Variants in MSI2 observed in about 807,000 individuals in gnomAD.
MSI2 encodes the protein RNA-binding protein Musashi homolog 2.
In MSI2, 17 loss-of-function variants were observed where a neutral mutation model predicts 45.6. The ratio of observed to expected loss-of-function variants is 0.37; its 90% confidence interval spans 0.26 to 0.56. The LOEUF is 0.56. MSI2 is among the 20% of genes least tolerant of loss of function. The pLI is 0.77. For synonymous variants in MSI2, 156 were observed against 158.2 expected (o/e 0.99, Z 0.11); for missense variants, 293 against 444.2 (o/e 0.66, Z 3.06).
At chr17:57,388,127 G>A (rs979621994) in intron 5 of MSI2, among the ~76,000 whole-genome samples, 2 of 152,052 alleles carry the variant, frequency 1.3e-5, no homozygotes, top group African/African-American at 2.4e-5. Context: ...GCCCTCTTAG[G>A]TTTAGAAAAA....
At chr17:57,333,174 T>A (rs1707522823) in intron 5 of MSI2, among the ~76,000 whole-genome samples, 1 of 152,168 alleles carries the variant, frequency 6.6e-6, no homozygotes, top group South Asian at 2.1e-4. Flanking sequence ...GGAAATGATA[T>A]CCCCTCCCTC....
At chr17:57,393,336 C>G (rs1483079494) in intron 5 of MSI2, among the ~76,000 whole-genome samples, 1 of 152,172 alleles carries the variant, frequency 6.6e-6, no homozygotes, top group African/African-American at 2.4e-5. Context: ...TGAAACACTT[C>G]CGGTTCCACA....
intron 6 of MSI2, among the ~76,000 whole-genome samples, chr17:57,402,740 A>G (rs2084016233): frequency 6.6e-6 from 1 of 152,218 alleles, no homozygotes; most frequent in South Asian, 2.1e-4. Flanking sequence ...AAGAGAAGCC[A>G]GCCTCCTCCA....
intron 5 of MSI2, among the ~76,000 whole-genome samples, chr17:57,396,001 G>C (rs1051590113): frequency 6.6e-6 from 1 of 152,164 alleles, no homozygotes; most frequent in African/African-American, 2.4e-5. Context: ...TCTTTCCTGG[G>C]CTTTCTCCAC....
At chr17:57,530,372 T>G (rs1187178471) in intron 7 of MSI2, among the ~76,000 whole-genome samples, 1 of 152,214 alleles carries the variant, frequency 6.6e-6, no homozygotes, top group Non-Finnish European at 1.5e-5. Flanking sequence ...TCCCTAGGTT[T>G]GGACAAATTC....
Position 57,634,807 on chromosome 17 carries a change from T to C in MSI2, c.727+7504T>C, listed in dbSNP as rs61431441. ...CTGGGTTTCTTCTCTACTCTCATTCTACTCTCTTCAGCATAAGACTCCACC... is the reference window on the plus strand; with the variant it reads ...CTGGGTTTCTTCTCTACTCTCATTCCACTCTCTTCAGCATAAGACTCCACC... On this transcript the variant is annotated intron_variant, in intron 10 of 13. Transcript: ENST00000284073. Among the ~76,000 whole-genome samples the C allele has an allele frequency of 8.8e-3, 1,334 of 152,372 alleles. 16 individuals carry two copies. Among genetic ancestry groups the C allele is most frequent in the African/African-American group, 0.03 (1,245 of 41,584 alleles).
intron 7 of MSI2, among the ~76,000 whole-genome samples, chr17:57,566,202 C>T (rs1049241066): frequency 6.6e-6 from 1 of 152,156 alleles, no homozygotes; most frequent in East Asian, 1.9e-4. Context: ...CTCCCATTCT[C>T]AGGGAGCAAG....
chr17:57,571,736 AATGTCACTTTG>A (rs2087883100), intron 7 of MSI2, among the ~76,000 whole-genome samples: 1 of 152,208 alleles, frequency 6.6e-6, no homozygotes, highest in African/African-American at 2.4e-5. Context: ...TAATGATAAT[AATGTCACTTTG>A]AGAGCACATC....
intron 6 of MSI2, among the ~76,000 whole-genome samples, chr17:57,443,285 A>G (rs2084834043): frequency 6.6e-6 from 1 of 151,322 alleles, no homozygotes; most frequent in Non-Finnish European, 1.5e-5. Context: ...TTCTCCAACC[A>G]CCCCCAAGGT....
chr17:57,554,392 G>A (rs1328562705), intron 7 of MSI2, among the ~76,000 whole-genome samples: 3 of 152,134 alleles, frequency 2.0e-5, no homozygotes, highest in Non-Finnish European at 2.9e-5. Context: ...GCTGAGAGCC[G>A]CCAGCATCTG....
At chr17:57,664,165 C>G (rs927800250) in intron 11 of MSI2, among the ~76,000 whole-genome samples, 2 of 152,250 alleles carry the variant, frequency 1.3e-5, no homozygotes, top group Middle Eastern at 3.4e-3. Flanking sequence ...CTGCTGTTTC[C>G]AAAGCTGGAA....
At chr17:57,311,045 A>T (rs778073310) in intron 5 of MSI2, among the ~76,000 whole-genome samples, 5 of 152,260 alleles carry the variant, frequency 3.3e-5, no homozygotes, top group Admixed American at 2.0e-4. Flanking sequence ...TCTCTGCAAC[A>T]TGTGTCAAAT....
intron 11 of MSI2, among the ~76,000 whole-genome samples, chr17:57,670,968 T>C (rs1433399625): frequency 6.6e-6 from 1 of 152,156 alleles, no homozygotes; most frequent in African/African-American, 2.4e-5. Context: ...AGTGGCTTCT[T>C]AGCCCAAGGC....
chr17:57,287,179 T>C (rs1174766305), intron 5 of MSI2, among the ~76,000 whole-genome samples: 1 of 151,444 alleles, frequency 6.6e-6, no homozygotes, highest in East Asian at 1.9e-4. Context: ...GGACCCTTTC[T>C]GAGGGCCCCG....
chr17:57,359,921 G>C (rs1485662548), intron 5 of MSI2, among the ~76,000 whole-genome samples: 1 of 152,184 alleles, frequency 6.6e-6, no homozygotes, highest in African/African-American at 2.4e-5. Context: ...TGTGATGTGG[G>C]GTATTCTGGG....
chr17:57,324,663 G>A (rs904683534), intron 5 of MSI2, among the ~76,000 whole-genome samples: 8 of 152,156 alleles, frequency 5.3e-5, no homozygotes, highest in Non-Finnish European at 1.2e-4. Flanking sequence ...GAGATGGGTG[G>A]CTGTAGATCC....
chr17:57,261,324 A>G (rs923599768), intron 4 of MSI2, among the ~76,000 whole-genome samples: 26 of 149,970 alleles, frequency 1.7e-4, no homozygotes, highest in Non-Finnish European at 3.7e-4. Context: ...TACTTGTTGC[A>G]CTAGATTCTG....
chr17:57,648,262 C>G (rs1910854877), intron 10 of MSI2, among the ~76,000 whole-genome samples: 1 of 151,556 alleles, frequency 6.6e-6, no homozygotes, highest in Non-Finnish European at 1.5e-5. Flanking sequence ...CCTTGGCCTC[C>G]CAAAGTGTTG....
intron 6 of MSI2, among the ~76,000 whole-genome samples, chr17:57,469,322 T>G (rs1334909044): frequency 6.6e-6 from 1 of 152,260 alleles, no homozygotes; most frequent in Non-Finnish European, 1.5e-5. Context: ...TTTTCTTAAC[T>G]GCTTTAGTCC....
Sources: gnomAD v4.1 joint callset for allele counts (sites outside exome capture counted in the v4.1 genomes callset) on GRCh38, gnomAD v4.1.1 for gene constraint, MANE v1.5 for transcripts, NCBI Gene and HGNC (gene_info 2026-07-23, HGNC 2026-07-21) for gene names.